PWWP2A: variants seen among roughly 807,000 people sequenced by gnomAD.
PWWP2A encodes PWWP domain-containing protein 2A.
A neutral mutation model predicts 48.5 loss-of-function variants in PWWP2A; 18 were observed. The ratio of observed to expected loss-of-function variants is 0.37; its 90% CI spans 0.26 to 0.55. The LOEUF (loss-of-function observed/expected upper bound fraction) is 0.55, where lower values mean the gene tolerates loss of function less well. Ranked by LOEUF, PWWP2A falls within the 20% of genes least tolerant of loss-of-function variation. The pLI, the probability that PWWP2A is intolerant of heterozygous loss-of-function variation, is 0.81. For synonymous variants in PWWP2A, 396 were observed against 387.7 expected (o/e 1.02, Z -0.25); for missense variants, 867 against 976.4 (o/e 0.89, Z 1.49).
intron 1 of PWWP2A, among the ~76,000 whole-genome samples, chr5:160,111,263 G>A (rs1453978854): frequency 6.6e-6 from 1 of 152,092 alleles, no homozygotes; most frequent in Non-Finnish European, 1.5e-5. Context: ...TAACTCCCGG[G>A]TTCAAGCGAT....
intron 2 of PWWP2A, among the ~76,000 whole-genome samples, chr5:160,083,253 A>G (rs1754372741): frequency 6.6e-6 from 1 of 152,158 alleles, no homozygotes; most frequent in Non-Finnish European, 1.5e-5. Context: ...ACTCAGCCAG[A>G]TTCCTTGCTA....
At chr5:160,047,793 C>T in the PWWP2A span, among the ~76,000 whole-genome samples, 3 of 152,330 alleles carry the variant, frequency 2.0e-5, no homozygotes, top group African/African-American at 7.2e-5. Context: ...TTTCACATGG[C>T]TGGCCTCTCT....
the PWWP2A span, among the ~76,000 whole-genome samples, chr5:160,046,588 G>A: frequency 1.3e-5 from 2 of 151,768 alleles, no homozygotes; most frequent in Admixed American, 1.3e-4. Flanking sequence ...TCCACCTTGT[G>A]TGTATATTTC....
In PWWP2A at chr5:160,092,346, G is replaced by T; in HGVS notation, c.*36C>A. On this transcript the variant is annotated 3_prime_UTR_variant, in exon 2 of 2. Coordinates refer to ENST00000307063, the MANE Select transcript of PWWP2A (RefSeq NM_001130864.2). Reference sequence around the variant, plus strand: ...CTAACTAGACTAGAAAATCTGTGGTGACTTCCAATGGTCTTGCCTACCTTA... The same window carrying T: ...CTAACTAGACTAGAAAATCTGTGGTTACTTCCAATGGTCTTGCCTACCTTA... 6.7e-7 allele frequency: 1 copy of T among 1,484,470 alleles called. No homozygotes were observed. The highest frequency in any genetic ancestry group is 1.4e-5 in the South Asian group (1 of 73,672). The allele number at this position is 1,484,470 out of a possible 1,614,324, so 92.0% of individuals were successfully genotyped here.
At chr5:160,115,138 A>C (rs1271135822) in intron 1 of PWWP2A, among the ~76,000 whole-genome samples, 7 of 14,646 alleles carry the variant, frequency 4.8e-4, no homozygotes, top group Admixed American at 1.9e-3. Context: ...AGACTCTGTC[A>C]AAAAAAAAAA....
At chr5:160,069,400 C>T (rs1753690538) in intron 2 of PWWP2A, among the ~76,000 whole-genome samples, 1 of 152,172 alleles carries the variant, frequency 6.6e-6, no homozygotes, top group African/African-American at 2.4e-5. Context: ...TGACTTAACC[C>T]GGTATTGCCC....
chr5:160,115,585 C>G (rs1437889770), intron 1 of PWWP2A, among the ~76,000 whole-genome samples: 1 of 151,394 alleles, frequency 6.6e-6, no homozygotes, highest in African/African-American at 2.4e-5. Context: ...CCCAGCTACT[C>G]GGGAGGCTGA....
rs755988668 is a variant in PWWP2A at position 160,109,757 on chromosome 5, GAAAAAAA to G, written c.584+9041_584+9047del. Among the ~76,000 whole-genome samples, 390 of 53,324 alleles carry G rather than the reference GAAAAAAA, an allele frequency of 7.3e-3. 5 individuals are homozygous for G. Among genetic ancestry groups the G allele is most frequent in the African/African-American group, 0.022 (289 of 13,162 alleles). 35.0% of individuals were successfully genotyped at this position (53,324 alleles called of 152,430 possible). ...AGGAAATGCAAGAGGATGCAACTGG[GAAAAAAA>G]AAAAAAAAAAATATATATATATATA... On this transcript the variant is annotated intron_variant, in intron 1 of 1. Coordinates refer to ENST00000307063, the MANE Select transcript of PWWP2A (RefSeq NM_001130864.2).
intron 1 of PWWP2A, among the ~76,000 whole-genome samples, chr5:160,098,609 A>G (rs1220168568): frequency 6.6e-6 from 1 of 152,238 alleles, no homozygotes; most frequent in Non-Finnish European, 1.5e-5. Flanking sequence ...ACTGCAATGA[A>G]TCTGTTTCAC....
intron 1 of PWWP2A, chr5:160,116,924 C>T (rs1455194839): frequency 5.2e-6 from 1 of 191,734 alleles, no homozygotes; most frequent in African/African-American, 2.4e-5. Flanking sequence ...GAAACCCCAT[C>T]TCTACTAAAA....
chr5:160,113,518 G>T (rs1169574546), intron 1 of PWWP2A, among the ~76,000 whole-genome samples: 2 of 152,204 alleles, frequency 1.3e-5, no homozygotes, highest in Non-Finnish European at 2.9e-5. Flanking sequence ...AAATATGGAA[G>T]AAATTTATAA....
At chr5:160,088,548 C>A (rs73311141), downstream of PWWP2A, among the ~76,000 whole-genome samples, 1,033 of 152,252 alleles carry the variant, frequency 6.8e-3, 11 homozygotes, top group African/African-American at 0.024. Context: ...CCGTGCCCAG[C>A]CATATCCGGC....
chr5:160,117,965 G>A (rs1436186718), intron 1 of PWWP2A: 5 of 716,208 alleles, frequency 7.0e-6, no homozygotes, highest in Non-Finnish European at 8.6e-6. Context: ...TCCAGACTTA[G>A]AACAGGTTCT....
chr5:160,057,350 A>G (rs1237474082), downstream of PWWP2A, among the ~76,000 whole-genome samples: 1 of 152,164 alleles, frequency 6.6e-6, no homozygotes, highest in Non-Finnish European at 1.5e-5. The surrounding 1 kb of genome is among the most constrained non-coding windows in gnomAD (Gnocchi z 4.4). Context: ...CAGTGCATAC[A>G]GAAGTTATGT....
Position 160,091,959 on chromosome 5 carries a change from CATAT to C in PWWP2A, c.*419_*422del. ...TGTCACACAGTGACAGGCTGTATTTCATATATATATATGTGTATATATACATATA... is the reference window on the plus strand; with the variant it reads ...TGTCACACAGTGACAGGCTGTATTTCATATATATGTGTATATATACATATA... On this transcript the variant is annotated 3_prime_UTR_variant, in exon 2 of 2. Coordinates refer to ENST00000307063, the MANE Select transcript of PWWP2A (RefSeq NM_001130864.2). The C allele has an allele frequency of 1.1e-6, 1 of 940,238 alleles. No individual in the cohort carries two copies. The highest frequency in any genetic ancestry group is 5.6e-4 in the Middle Eastern group (1 of 1,778). The allele number at this position is 940,238 out of a possible 1,614,324, so 58.2% of individuals were successfully genotyped here. A position where few individuals can be genotyped will look rare whatever the true frequency, so the allele number is the denominator to read the frequency against.
chr5:160,063,917 C>T (rs1424612687), intron 4 of PWWP2A, among the ~76,000 whole-genome samples: 1 of 151,020 alleles, frequency 6.6e-6, no homozygotes, highest in Non-Finnish European at 1.5e-5. Flanking sequence ...GCTGGGAATA[C>T]AGGCATGAGT....
downstream of PWWP2A, among the ~76,000 whole-genome samples, chr5:160,086,708 A>G (rs541134050): frequency 2.1e-3 from 319 of 152,226 alleles, 1 homozygote; most frequent in Non-Finnish European, 5.4e-4. Flanking sequence ...CATGGCCAAC[A>G]TGGTGGAACC....
chr5:160,058,775 T>C (rs4601078), downstream of PWWP2A, among the ~76,000 whole-genome samples: 115,292 of 152,126 alleles, frequency 0.76, 43,743 homozygotes, highest in East Asian at 0.87. Flanking sequence ...CTGTGGGCTG[T>C]AAAATGGATG....
At chr5:160,082,665 TGTGA>T (rs1177430669) in intron 2 of PWWP2A, among the ~76,000 whole-genome samples, 2 of 152,154 alleles carry the variant, frequency 1.3e-5, no homozygotes, top group Non-Finnish European at 2.9e-5. Flanking sequence ...GTGCCTGGTT[TGTGA>T]GTCTTTTGTG....
Sources: gnomAD v4.1 joint callset for allele counts (sites outside exome capture counted in the v4.1 genomes callset) on GRCh38, gnomAD v4.1.1 for gene constraint, Gnocchi (gnomAD v3.1) non-coding constraint, MANE v1.5 for transcripts, NCBI Gene and HGNC (gene_info 2026-07-23, HGNC 2026-07-21) for gene names.